The following ATG4C variants were observed in gnomAD, a reference collection of about 807,000 sequenced individuals.
The protein encoded by ATG4C is cysteine protease ATG4C.
ATG4C carries 56 observed loss-of-function variants against 57.6 expected under a neutral mutation model. The observed-to-expected ratio is 0.97, with a 90% CI of 0.78 to 1.21. The LOEUF (loss-of-function observed/expected upper bound fraction) is 1.21. Among genes scored for constraint, ATG4C ranks in the 50% most tolerant of loss-of-function variants. The pLI, the probability that ATG4C is intolerant of heterozygous loss-of-function variation, is 0.00. For synonymous variants in ATG4C, 157 were observed against 174.1 expected (o/e 0.90, Z 0.78); for missense variants, 595 against 529.8 (o/e 1.12, Z -1.21).
At chr1:62,792,701 T>C (rs1000302358) in intron 1 of ATG4C, among the ~76,000 whole-genome samples, 3 of 152,354 alleles carry the variant, frequency 2.0e-5, no homozygotes, top group African/African-American at 7.2e-5. Flanking sequence ...TTGAGTTTAG[T>C]ACAATATTCA....
At chr1:62,789,521 AC>A (rs1197453534) in intron 1 of ATG4C, among the ~76,000 whole-genome samples, 3 of 152,162 alleles carry the variant, frequency 2.0e-5, no homozygotes, top group Admixed American at 2.0e-4. Context: ...ATTCTTAGAA[AC>A]CAAGATCTGG....
chr1:62,816,656 A>G lies in ATG4C; in HGVS notation c.242A>G (p.Lys81Arg). Residue 81 changes from lysine (K) to arginine (R), a missense_variant, in exon 4 of 11, where the codon AAA becomes AGA. Lys to Arg is a conservative substitution (Grantham distance 26, BLOSUM62 2). Transcript: ENST00000317868. ...VIAGNVEEFR[K>R]DFISRIWLTY... The stretch of plus-strand genomic sequence containing the variant: ...GCAGGAAATGTAGAAGAATTTCGTA[A>G]AGATTTCATTTCTAGAATATGGCTG... 6.2e-7 allele frequency: 1 copy of G among 1,613,850 alleles called. No homozygotes were observed. Among genetic ancestry groups the G allele is most frequent in the Non-Finnish European group, 8.5e-7 (1 of 1,179,836 alleles).
At chr1:62,862,354 A>C (rs1012120298) in intron 10 of ATG4C, among the ~76,000 whole-genome samples, 1 of 152,140 alleles carries the variant, frequency 6.6e-6, no homozygotes, top group Admixed American at 6.5e-5. Flanking sequence ...GAAAGAAAGG[A>C]TGAAGAGATG....
intron 3 of ATG4C, among the ~76,000 whole-genome samples, chr1:62,811,232 G>C (rs1665073711): frequency 6.6e-6 from 1 of 152,150 alleles, no homozygotes; most frequent in African/African-American, 2.4e-5. Context: ...TCTTAAACTT[G>C]GTTCTGTCTC....
chr1:62,816,743 G>A lies in ATG4C; in HGVS notation c.329G>A (p.Gly110Asp), dbSNP rs769287925. The change falls in exon 4 of 11, where the codon GGC becomes GAC. Residue 110 changes from glycine (G) to aspartate (D), a missense_variant. Physicochemically the swap from Gly to Asp is moderately conservative, Grantham distance 94. Transcript: ENST00000317868. The stretch of plus-strand genomic sequence containing the variant: ...GCTTTGACAACAGACTGTGGGTGGG[G>A]CTGCACATTGAGAACTGGCCAGATG... ...GSALTTDCGW[G>D]CTLRTGQMLL... 6.2e-7 allele frequency: 1 copy of A among 1,613,690 alleles called. No homozygotes were observed. The highest frequency in any genetic ancestry group is 8.5e-7 in the Non-Finnish European group (1 of 1,179,800).
intron 9 of ATG4C, 149 bp downstream of exon 9, chr1:62,835,001 A>G (rs141047013): frequency 8.2e-6 from 5 of 608,440 alleles, no homozygotes; most frequent in Non-Finnish European, 1.1e-5. Flanking sequence ...TAATTAACAC[A>G]GTGGTCAAAG....
intron 3 of ATG4C, among the ~76,000 whole-genome samples, chr1:62,808,666 G>A (rs1182130323): frequency 1.3e-5 from 2 of 152,186 alleles, no homozygotes; most frequent in South Asian, 2.1e-4. Flanking sequence ...TGTACAAAGT[G>A]TATAAATGCT....
intron 6 of ATG4C, among the ~76,000 whole-genome samples, chr1:62,821,724 A>G (rs1165577130): frequency 4.6e-5 from 7 of 152,094 alleles, no homozygotes; most frequent in South Asian, 2.1e-4. Flanking sequence ...TGAGACCACA[A>G]GTGTTTCCGA....
At chr1:62,792,305 A>G (rs1490246494) in intron 1 of ATG4C, among the ~76,000 whole-genome samples, 6 of 152,088 alleles carry the variant, frequency 3.9e-5, no homozygotes, top group Non-Finnish European at 8.8e-5. Flanking sequence ...TTATCTACTC[A>G]TTTCTAATCC....
In ATG4C at chr1:62,816,718, G is replaced by A; in HGVS notation, c.304G>A (p.Ala102Thr). The A allele has an allele frequency of 6.2e-7, 1 of 1,613,912 alleles. No homozygotes were observed. The highest frequency in any genetic ancestry group is 8.5e-7 in the Non-Finnish European group (1 of 1,179,888). Reference protein sequence around the residue: ...REEFPQIEGSALTTDCGWGCT... With the variant: ...REEFPQIEGSTLTTDCGWGCT... The stretch of plus-strand genomic sequence containing the variant: ...AGAATTCCCTCAAATAGAAGGCTCA[G>A]CTTTGACAACAGACTGTGGGTGGGG... Residue 102 changes from alanine (A) to threonine (T), a missense_variant, in exon 4 of 11, where the codon GCT (alanine) becomes ACT (threonine). Coordinates refer to ENST00000317868, the MANE Select transcript of ATG4C (RefSeq NM_032852.4).
intron 9 of ATG4C, among the ~76,000 whole-genome samples, chr1:62,838,887 A>G (rs1666082048): frequency 6.6e-6 from 1 of 152,056 alleles, no homozygotes; most frequent in South Asian, 2.1e-4. Flanking sequence ...AGAGATTTAT[A>G]TCTGTGTTTT....
chr1:62,861,316 C>T (rs879490835), intron 10 of ATG4C, among the ~76,000 whole-genome samples: 8 of 151,968 alleles, frequency 5.3e-5, no homozygotes, highest in South Asian at 2.1e-4. Context: ...GAGGCAGAGG[C>T]GGGCAGATCA....
At chr1:62,808,579 A>G (rs566059858) in intron 3 of ATG4C, among the ~76,000 whole-genome samples, 6 of 152,328 alleles carry the variant, frequency 3.9e-5, no homozygotes, top group Admixed American at 3.9e-4. Flanking sequence ...TGAGAAAGGA[A>G]AGGCAATGTA....
intron 3 of ATG4C, among the ~76,000 whole-genome samples, chr1:62,815,658 C>T (rs1203307771): frequency 6.6e-6 from 1 of 152,056 alleles, no homozygotes; most frequent in African/African-American, 2.4e-5. Flanking sequence ...ACTTCAGCCT[C>T]GCAAGTATCT....
At chr1:62,808,971 C>T (rs1664974241) in intron 3 of ATG4C, among the ~76,000 whole-genome samples, 1 of 151,984 alleles carries the variant, frequency 6.6e-6, no homozygotes, top group Non-Finnish European at 1.5e-5. Flanking sequence ...GCTCTGTTAC[C>T]CAGGCTGGAG....
intron 10 of ATG4C, among the ~76,000 whole-genome samples, chr1:62,849,945 C>T (rs1666451899): frequency 6.6e-6 from 1 of 151,984 alleles, no homozygotes; most frequent in African/African-American, 2.4e-5. Context: ...TAAGGTGTGA[C>T]TATAAACTAA....
At chr1:62,847,256 C>G (rs1666353206) in intron 10 of ATG4C, among the ~76,000 whole-genome samples, 2 of 152,112 alleles carry the variant, frequency 1.3e-5, no homozygotes, top group Non-Finnish European at 2.9e-5. Flanking sequence ...AGTCGAAGCA[C>G]TGACATATCC....
chr1:62,838,628 A>C (rs1196129448), intron 9 of ATG4C, among the ~76,000 whole-genome samples: 1 of 151,954 alleles, frequency 6.6e-6, no homozygotes, highest in African/African-American at 2.4e-5. Flanking sequence ...AAATACAAAA[A>C]AATTAGCTGG....
At chr1:62,822,193 G>C (rs552936441) in intron 6 of ATG4C, among the ~76,000 whole-genome samples, 1 of 152,138 alleles carries the variant, frequency 6.6e-6, no homozygotes, top group East Asian at 1.9e-4. Flanking sequence ...TTTAATACAA[G>C]GGTATCTATA....
Sources: gnomAD v4.1 joint callset for allele counts (sites outside exome capture counted in the v4.1 genomes callset) on GRCh38, gnomAD v4.1.1 for gene constraint, MANE v1.5 for transcripts, NCBI Gene and HGNC (gene_info 2026-07-23, HGNC 2026-07-21) for gene names.